Variants in FHIT observed in about 807,000 individuals in gnomAD.
FHIT encodes the protein bis(5'-adenosyl)-triphosphatase.
A neutral mutation model predicts 17.9 loss-of-function variants in FHIT; 19 were observed. That is an observed-to-expected ratio of 1.06 (90% CI 0.74 to 1.56). The LOEUF (loss-of-function observed/expected upper bound fraction) is 1.56, where lower values mean the gene tolerates loss of function less well. Among genes scored for constraint, FHIT ranks in the 40% most tolerant of loss-of-function variants. The probability of loss-of-function intolerance (pLI) is 0.00; values close to 1 mark genes in which losing one functional copy is unlikely to be tolerated. For synonymous variants in FHIT, 81 were observed against 69.7 expected, an observed-to-expected ratio of 1.16 and a Z score of -0.81; for missense variants, 248 against 189.2, an observed-to-expected ratio of 1.31 and a Z score of -1.82.
intron 5 of FHIT, among the ~76,000 whole-genome samples, chr3:60,274,006 A>G (rs1359388503): frequency 6.6e-6 from 1 of 152,204 alleles, no homozygotes; most frequent in African/African-American, 2.4e-5. Context: ...CAACTATGAC[A>G]AATTACATTT....
At chr3:60,443,489 T>C (rs994600458) in intron 5 of FHIT, among the ~76,000 whole-genome samples, 2 of 152,196 alleles carry the variant, frequency 1.3e-5, no homozygotes, top group South Asian at 2.1e-4. Flanking sequence ...TGAAGGGCTG[T>C]TGAATTTTAT....
At chr3:60,354,460 C>T (rs555160031) in intron 5 of FHIT, among the ~76,000 whole-genome samples, 2 of 152,144 alleles carry the variant, frequency 1.3e-5, no homozygotes, top group South Asian at 4.2e-4. Flanking sequence ...TAAGATGATT[C>T]TCGAAAAAGC....
chr3:59,862,536 T>C (rs970087853), intron 8 of FHIT, among the ~76,000 whole-genome samples: 8 of 152,198 alleles, frequency 5.3e-5, no homozygotes, highest in Non-Finnish European at 7.3e-5. Flanking sequence ...TTTCTTAGCA[T>C]CCCGTTTGTA....
At position 59,922,814 on chromosome 3, in the gene FHIT, G is replaced by A. The variant is rs114036975; in HGVS notation, c.280-400C>T. Among the ~76,000 whole-genome samples, 1,424 of 152,304 alleles carry A rather than the reference G, an allele frequency of 9.3e-3. 28 individuals are homozygous for A. Among genetic ancestry groups the A allele is most frequent in the African/African-American group, 0.032 (1,340 of 41,562 alleles). On this transcript the variant is annotated intron_variant, in intron 7 of 9. Coordinates refer to ENST00000492590, the MANE Select transcript of FHIT (RefSeq NM_002012.4). ...CTGCATAAGTAAAGAGCGAGTGAAT[G>A]AGGTAGCAAGTAGTATGGGCAGAAT...
intron 7 of FHIT, among the ~76,000 whole-genome samples, chr3:59,972,783 G>C (rs1708245047): frequency 6.6e-6 from 1 of 152,044 alleles, no homozygotes; most frequent in African/African-American, 2.4e-5. Flanking sequence ...TAGTACTCCT[G>C]TTCATTTGGG....
At chr3:60,786,904 A>G (rs56364277) in intron 4 of FHIT, among the ~76,000 whole-genome samples, 8,519 of 151,998 alleles carry the variant, frequency 0.056, 264 homozygotes, top group South Asian at 0.093. Context: ...TTGTGTTTCA[A>G]TTCAATCTAG....
At chr3:60,000,560 A>C (rs2107498674) in intron 7 of FHIT, among the ~76,000 whole-genome samples, 1 of 152,216 alleles carries the variant, frequency 6.6e-6, no homozygotes, top group East Asian at 1.9e-4. Context: ...ATGAGTTCAA[A>C]CCCATCCTAA....
intron 5 of FHIT, among the ~76,000 whole-genome samples, chr3:60,253,282 A>C (rs1482070351): frequency 1.3e-5 from 2 of 152,204 alleles, no homozygotes; most frequent in African/African-American, 4.8e-5. Flanking sequence ...ATCTGTCATG[A>C]TATTCTGAAT....
chr3:59,909,566 G>C (rs1300286236), intron 8 of FHIT, among the ~76,000 whole-genome samples: 1 of 152,178 alleles, frequency 6.6e-6, no homozygotes, highest in Non-Finnish European at 1.5e-5. Flanking sequence ...CTGACCTCAA[G>C]TGATCCGTCC....
intron 2 of FHIT, among the ~76,000 whole-genome samples, chr3:61,092,502 A>AT (rs574045149): frequency 2.2e-4 from 33 of 149,486 alleles, no homozygotes; most frequent in Non-Finnish European, 4.3e-4. Context: ...GTCCCTTAAA[A>AT]ATATATATAT....
At chr3:60,214,164 T>C (rs1703587185) in intron 5 of FHIT, among the ~76,000 whole-genome samples, 1 of 152,152 alleles carries the variant, frequency 6.6e-6, no homozygotes, top group African/African-American at 2.4e-5. Flanking sequence ...GAGTTTCATA[T>C]TTTTCATTTT....
At chr3:61,031,220 T>A (rs1441304221) in intron 3 of FHIT, among the ~76,000 whole-genome samples, 1 of 152,220 alleles carries the variant, frequency 6.6e-6, no homozygotes, top group African/African-American at 2.4e-5. Flanking sequence ...TTGGTAACCA[T>A]GAGAAGCTTG....
At chr3:60,710,074 T>TG (rs2041479366) in intron 4 of FHIT, among the ~76,000 whole-genome samples, 1 of 80,592 alleles carries the variant, frequency 1.2e-5, no homozygotes, top group Non-Finnish European at 2.5e-5. Flanking sequence ...CACAGAATGC[T>TG]AAAAAAAAAA....
chr3:60,614,494 C>T (rs757133634), intron 4 of FHIT, among the ~76,000 whole-genome samples: 13 of 152,090 alleles, frequency 8.5e-5, no homozygotes, highest in Non-Finnish European at 1.9e-4. Context: ...ATCCCAACTA[C>T]TCAGAAGCCT....
At chr3:60,814,765 T>C (rs1387950153) in intron 4 of FHIT, among the ~76,000 whole-genome samples, 5 of 152,148 alleles carry the variant, frequency 3.3e-5, no homozygotes, top group Non-Finnish European at 5.9e-5. Flanking sequence ...CTGTTTTAAG[T>C]TCTTTGGGAA....
chr3:60,078,217 A>G (rs1703118510), intron 5 of FHIT, among the ~76,000 whole-genome samples: 1 of 152,170 alleles, frequency 6.6e-6, no homozygotes, highest in African/African-American at 2.4e-5. Flanking sequence ...TGATTACAAA[A>G]GGAAAAATAG....
At chr3:59,989,708 T>C (rs1189575053) in intron 7 of FHIT, among the ~76,000 whole-genome samples, 2 of 152,060 alleles carry the variant, frequency 1.3e-5, no homozygotes, top group Admixed American at 6.6e-5. Flanking sequence ...TAGGGAGTCA[T>C]TCTCAGGGAA....
chr3:60,631,069 CTT>C (rs2039429150), intron 4 of FHIT, among the ~76,000 whole-genome samples: 1 of 151,684 alleles, frequency 6.6e-6, no homozygotes, highest in African/African-American at 2.4e-5. Context: ...AGGCAGATAA[CTT>C]TGAAGATTTT....
intron 8 of FHIT, among the ~76,000 whole-genome samples, chr3:59,898,007 T>A (rs976177684): frequency 4.6e-5 from 7 of 151,850 alleles, no homozygotes; most frequent in East Asian, 1.9e-4. Flanking sequence ...GAACTTGTGA[T>A]CTGCCCGCCT....
Sources: gnomAD v4.1 joint callset for allele counts (sites outside exome capture counted in the v4.1 genomes callset) on GRCh38, gnomAD v4.1.1 for gene constraint, MANE v1.5 for transcripts, NCBI Gene and HGNC (gene_info 2026-07-23, HGNC 2026-07-21) for gene names.